CHRNA7: variants seen among roughly 807,000 people sequenced by gnomAD.
CHRNA7 encodes neuronal acetylcholine receptor subunit alpha-7.
A neutral mutation model predicts 48.0 loss-of-function variants in CHRNA7; 17 were observed. The ratio of observed to expected loss-of-function variants is 0.35; its 90% CI spans 0.24 to 0.53. The LOEUF (loss-of-function observed/expected upper bound fraction) is 0.53, where lower values mean the gene tolerates loss of function less well. Ranked by LOEUF, CHRNA7 falls within the 20% of genes least tolerant of loss-of-function variation. The pLI is 0.92. For missense variants in CHRNA7, 155 were observed against 577.7 expected (o/e 0.27, Z 7.50); for synonymous variants, 75 against 242.3 (o/e 0.31, Z 6.41).
intron 2 of CHRNA7, among the ~76,000 whole-genome samples, chr15:32,074,915 C>T (rs143116356): frequency 0.028 from 4,202 of 152,164 alleles, 90 homozygotes; most frequent in Non-Finnish European, 0.045. Context: ...TCCCAAAGTG[C>T]TAGGATTACA....
chr15:32,144,957 T>C (rs1425522471), intron 4 of CHRNA7, among the ~76,000 whole-genome samples: 4 of 152,212 alleles, frequency 2.6e-5, no homozygotes, highest in Non-Finnish European at 5.9e-5. Context: ...TTTTGTTCCA[T>C]TGCTGGCAAG....
intron 2 of CHRNA7, among the ~76,000 whole-genome samples, chr15:32,039,744 A>G (rs976046948): frequency 2.6e-5 from 4 of 151,442 alleles, no homozygotes; most frequent in South Asian, 2.1e-4. Context: ...AAAATAGTCT[A>G]TAGATGTTGC....
chr15:32,141,908 T>C (rs2051386848), intron 4 of CHRNA7, among the ~76,000 whole-genome samples: 2 of 152,214 alleles, frequency 1.3e-5, no homozygotes, highest in African/African-American at 4.8e-5. Context: ...TGAATACCCT[T>C]TATTTCTTTC....
At chr15:32,131,724 G>A (rs1363040757) in intron 4 of CHRNA7, among the ~76,000 whole-genome samples, 1 of 152,034 alleles carries the variant, frequency 6.6e-6, no homozygotes, top group Non-Finnish European at 1.5e-5. Flanking sequence ...CTTGATTTTG[G>A]TATTACAGGT....
chr15:32,074,212 T>A (rs1395007548), intron 2 of CHRNA7, among the ~76,000 whole-genome samples: 1 of 151,378 alleles, frequency 6.6e-6, no homozygotes, highest in Non-Finnish European at 1.5e-5. Flanking sequence ...TTTGTTTTGT[T>A]TTTGTGGATT....
intron 2 of CHRNA7, among the ~76,000 whole-genome samples, chr15:32,032,439 G>A (rs147824273): frequency 1.2e-4 from 18 of 152,174 alleles, no homozygotes; most frequent in African/African-American, 3.6e-4. Context: ...TTGGCTTTCC[G>A]GCTAATAAAA....
At chr15:32,056,385 A>G (rs533486964) in intron 2 of CHRNA7, among the ~76,000 whole-genome samples, 2 of 152,248 alleles carry the variant, frequency 1.3e-5, no homozygotes, top group African/African-American at 4.8e-5. Context: ...AAGCAGTTTT[A>G]TGGAAATTGG....
rs74463288 is a variant in CHRNA7, at chr15:32,035,443, A to G, written c.195+4406A>G. 6.5e-3 allele frequency among the ~76,000 whole-genome samples: 984 copies of G among 152,316 alleles called. 15 individuals are homozygous for G. The highest frequency in any genetic ancestry group is 0.023 in the African/African-American group (941 of 41,562). On this transcript the variant is annotated intron_variant, in intron 2 of 9. Coordinates refer to ENST00000306901, the MANE Select transcript of CHRNA7 (RefSeq NM_000746.6). ...AACACATAATTATACAAGATTGACT[A>G]TTTTGGTATTTTATTGATTTGAAAT...
intron 4 of CHRNA7, among the ~76,000 whole-genome samples, chr15:32,131,188 T>G (rs1248979666): frequency 2.0e-5 from 3 of 152,212 alleles, no homozygotes; most frequent in African/African-American, 7.2e-5. Flanking sequence ...GTTTGGGTTT[T>G]ACTCAGCTTC....
intron 4 of CHRNA7, among the ~76,000 whole-genome samples, chr15:32,125,401 T>C (rs753092520): frequency 6.6e-6 from 1 of 152,144 alleles, no homozygotes; most frequent in Non-Finnish European, 1.5e-5. Context: ...GTCTGCCAGC[T>C]CTCCTTCCCC....
At chr15:32,047,579 A>G (rs1045283461) in intron 2 of CHRNA7, among the ~76,000 whole-genome samples, 2 of 152,130 alleles carry the variant, frequency 1.3e-5, no homozygotes, top group African/African-American at 4.8e-5. Flanking sequence ...GGGCTGAGAC[A>G]ATGGGGTTTT....
At chr15:32,055,162 T>C (rs2049763974) in intron 2 of CHRNA7, among the ~76,000 whole-genome samples, 1 of 152,234 alleles carries the variant, frequency 6.6e-6, no homozygotes. Context: ...TTTTCATTTT[T>C]TTATTTTCCA....
At chr15:32,051,297 T>C (rs941686153) in intron 2 of CHRNA7, among the ~76,000 whole-genome samples, 5 of 152,118 alleles carry the variant, frequency 3.3e-5, no homozygotes, top group South Asian at 2.1e-4. Context: ...TGTGGTGGGC[T>C]CCACCCAGTT....
chr15:32,153,227 C>T (rs1467364051), intron 4 of CHRNA7, among the ~76,000 whole-genome samples: 5 of 151,724 alleles, frequency 3.3e-5, no homozygotes, highest in Non-Finnish European at 7.4e-5. Context: ...GAGACCATCC[C>T]GGCTAACATA....
chr15:32,101,176 C>T (rs371953953), intron 2 of CHRNA7, 127 bp from the exon 3 acceptor site: 26 of 907,522 alleles, frequency 2.9e-5, no homozygotes, highest in Admixed American at 2.1e-4. Context: ...ATTGGAAGTG[C>T]TTGGTGCATT....
intron 2 of CHRNA7, among the ~76,000 whole-genome samples, chr15:32,041,506 C>T (rs565496080): frequency 6.6e-6 from 1 of 152,386 alleles, no homozygotes; most frequent in East Asian, 1.9e-4. Flanking sequence ...GGCAGTAATG[C>T]TCCCTGACCT....
Position 32,030,920 on chromosome 15 carries a change from G to A in CHRNA7, c.78G>A (p.Gln26=), listed in dbSNP as rs980410229. 1 of 1,614,032 alleles carries A rather than the reference G, an allele frequency of 6.2e-7. No homozygotes were observed. Among genetic ancestry groups the A allele is most frequent in the African/African-American group, 1.3e-5 (1 of 74,952 alleles). Residue 26 remains glutamine (Q), a synonymous_variant, in exon 2 of 10, where the codon CAG becomes CAA. Coordinates refer to ENST00000306901, the MANE Select transcript of CHRNA7 (RefSeq NM_000746.6). ...LLHVSLQGEF[Q]RKLYKELVKN... is the part of the protein sequence containing the mutation. ...AAGTGTCCCTGCAAGGCGAGTTCCA[G>A]AGGAAGCTTTACAAGGAGCTGGTCA...
At chr15:32,101,712 C>T (rs531004292) in intron 3 of CHRNA7, 13 of 199,998 alleles carry the variant, frequency 6.5e-5, no homozygotes, top group Admixed American at 1.2e-4. Flanking sequence ...CTGTGGCCTC[C>T]GGAGCTGCAT....
chr15:32,071,540 A>G (rs1050101509), intron 2 of CHRNA7, among the ~76,000 whole-genome samples: 1 of 152,166 alleles, frequency 6.6e-6, no homozygotes, highest in African/African-American at 2.4e-5. Context: ...TTGAAATGTG[A>G]TCCCCAGTAT....
Sources: gnomAD v4.1 joint callset for allele counts (sites outside exome capture counted in the v4.1 genomes callset) on GRCh38, gnomAD v4.1.1 for gene constraint, MANE v1.5 for transcripts, NCBI Gene and HGNC (gene_info 2026-07-23, HGNC 2026-07-21) for gene names.